PALM2AKAP2: variants seen among roughly 807,000 people sequenced by gnomAD.
PALM2AKAP2 encodes PALM2-AKAP2 fusion protein.
PALM2AKAP2 carries 37 observed loss-of-function variants against 71.5 expected under a neutral mutation model. The observed-to-expected ratio is 0.52, with a 90% CI of 0.40 to 0.68. PALM2AKAP2 has a LOEUF of 0.68. PALM2AKAP2 is among the 30% of genes least tolerant of loss of function. The pLI is 0.00. For missense variants in PALM2AKAP2, 1,224 were observed against 1,191.8 expected, an observed-to-expected ratio of 1.03 and a Z score of -0.40; for synonymous variants, 468 against 478.8, an observed-to-expected ratio of 0.98 and a Z score of 0.29.
chr9:110,136,663 G>A (rs766414145), exon 2 of PALM2AKAP2: 59 of 1,614,010 alleles, frequency 3.7e-5, no homozygotes, highest in African/African-American at 9.3e-5. Flanking sequence ...CTAGAGATGC[G>A]CTGGGGGACA....
chr9:109,747,109 A>G (rs1425652490), intron 1 of PALM2AKAP2, among the ~76,000 whole-genome samples: 3 of 152,246 alleles, frequency 2.0e-5, no homozygotes, highest in Non-Finnish European at 4.4e-5. Context: ...AAATATTGCT[A>G]ATAATAAAAG....
At position 109,715,154 on chromosome 9, in the gene PALM2AKAP2, T is replaced by C. The variant is rs1470645243; in HGVS notation, c.6-65334T>C. On this transcript the variant is annotated intron_variant, in intron 1 of 6. Coordinates refer to the PALM2AKAP2 transcript ENST00000374531. ...AATAGCTGTCTGCTGTCAAATACTT[T>C]CTCGGTTCCAGGTGCTCTCCTAGGA... Among the ~76,000 whole-genome samples, 10 of 152,336 alleles carry C rather than the reference T, an allele frequency of 6.6e-5. No homozygotes were observed. The East Asian group carries it at 1.9e-3, about 29-fold the overall frequency.
intron 1 of PALM2AKAP2, among the ~76,000 whole-genome samples, chr9:109,657,496 C>T (rs1827324471): frequency 8.0e-6 from 1 of 124,930 alleles, no homozygotes; most frequent in Non-Finnish European, 1.7e-5. Context: ...AATGGAGGGT[C>T]TTGGGAGCAG....
chr9:109,692,839 A>T (rs575028321), intron 1 of PALM2AKAP2, among the ~76,000 whole-genome samples: 14 of 152,064 alleles, frequency 9.2e-5, no homozygotes, highest in African/African-American at 2.4e-4. Context: ...TTTGATTTTT[A>T]AAAAAATTTA....
At chr9:109,719,170 TGTTA>T (rs1399462263) in intron 1 of PALM2AKAP2, among the ~76,000 whole-genome samples, 1 of 152,072 alleles carries the variant, frequency 6.6e-6, no homozygotes, top group Non-Finnish European at 1.5e-5. Context: ...AATAAAACTC[TGTTA>T]GTTAGCATGA....
At chr9:109,867,534 A>G (rs1157817735) in exon 2 of PALM2AKAP2, 4 of 1,612,892 alleles carry the variant, frequency 2.5e-6, no homozygotes. Context: ...AAGCGACAAC[A>G]GCTTGACGAG....
chr9:110,156,423 A>G (rs1470457344), exon 3 of PALM2AKAP2: 4 of 1,613,094 alleles, frequency 2.5e-6, no homozygotes, highest in Admixed American at 1.7e-5. Context: ...GCGGCCCAAG[A>G]ATCTGATGCA....
At chr9:109,755,425 C>T (rs28648887) in intron 1 of PALM2AKAP2, among the ~76,000 whole-genome samples, 46,293 of 151,918 alleles carry the variant, frequency 0.3, 7,209 homozygotes, top group Middle Eastern at 0.4. Flanking sequence ...TCATTGTTCC[C>T]TCTGCCTGAA....
intron 6 of PALM2AKAP2, chr9:109,946,430 G>C (rs776517781): frequency 6.6e-6 from 1 of 152,028 alleles, no homozygotes; most frequent in African/African-American, 2.4e-5. Context: ...GCTCACACCT[G>C]TAATCTCGGC....
intron 1 of PALM2AKAP2, among the ~76,000 whole-genome samples, chr9:110,064,523 CT>C (rs752373899): frequency 7.9e-5 from 12 of 152,200 alleles, no homozygotes; most frequent in South Asian, 2.1e-4. Flanking sequence ...GCGAAGATTG[CT>C]TGAAGCCAGG....
At chr9:110,134,771 C>A (rs1267486301) in intron 1 of PALM2AKAP2, among the ~76,000 whole-genome samples, 2 of 151,722 alleles carry the variant, frequency 1.3e-5, no homozygotes, top group African/African-American at 4.9e-5. Flanking sequence ...GAAAATTACA[C>A]TCTCTTGCAA....
At chr9:110,135,188 T>TATATATATATATATATATATATATAA (rs1484544851) in intron 1 of PALM2AKAP2, among the ~76,000 whole-genome samples, 3 of 93,538 alleles carry the variant, frequency 3.2e-5, no homozygotes, top group Admixed American at 1.2e-4. Flanking sequence ...TATATATATA[T>TATATATATATATATATATATATATAA]AAATCAGCCA....
intron 1 of PALM2AKAP2, among the ~76,000 whole-genome samples, chr9:109,696,344 A>G (rs1827970265): frequency 6.6e-6 from 1 of 152,236 alleles, no homozygotes; most frequent in Non-Finnish European, 1.5e-5. Context: ...ATATTGAAAA[A>G]TATTCAGAAC....
At chr9:110,153,179 T>C (rs1369994249) in intron 2 of PALM2AKAP2, among the ~76,000 whole-genome samples, 1 of 152,260 alleles carries the variant, frequency 6.6e-6, no homozygotes, top group Non-Finnish European at 1.5e-5. Context: ...TGATGTTAAA[T>C]GGCTGTCCAC....
At chr9:110,052,724 C>G (rs111938388) in intron 1 of PALM2AKAP2, among the ~76,000 whole-genome samples, 1 of 152,180 alleles carries the variant, frequency 6.6e-6, no homozygotes, top group Non-Finnish European at 1.5e-5. Flanking sequence ...TTAGCTATTC[C>G]GTCTTCTTGC....
chr9:110,068,782 C>T (rs955716748), intron 1 of PALM2AKAP2, among the ~76,000 whole-genome samples: 4 of 151,538 alleles, frequency 2.6e-5, no homozygotes, highest in African/African-American at 9.8e-5. Context: ...ATCCTCCTGC[C>T]TTGGCCTCCC....
chr9:110,044,344 C>CTTTTTTTTTTTTTTTTTTTTTTTTT (rs57314430), upstream of PALM2AKAP2, among the ~76,000 whole-genome samples: 28 of 80,158 alleles, frequency 3.5e-4, 1 homozygote, highest in African/African-American at 5.0e-4. Flanking sequence ...TTCTTTCTTT[C>CTTTTTTTTTTTTTTTTTTTTTTTTT]TTTTTTTTTT....
rs1554755271 is a variant in PALM2AKAP2, at chr9:110,135,162, A to AAAAAAAAAAATAT, written c.157-962_157-961insAAAAAAATATAAA. On this transcript the variant is annotated intron_variant, in intron 1 of 3. Coordinates refer to ENST00000374525, the Ensembl canonical transcript of PALM2AKAP2. ...GGAACTCTGTCTCTACAAAAAAAAA[A>AAAAAAAAAAATAT]AAATATATAAATATATATATATATA... is the stretch of plus-strand genomic sequence containing the variant. 1.5e-3 allele frequency among the ~76,000 whole-genome samples: 72 copies of AAAAAAAAAAATAT among 48,484 alleles called. 6 individuals carry two copies. Among genetic ancestry groups the AAAAAAAAAAATAT allele is most frequent in the African/African-American group, 6.0e-3 (72 of 11,986 alleles). 31.8% of individuals were successfully genotyped at this position (48,484 alleles called of 152,430 possible).
chr9:109,736,417 G>A (rs1041918735), intron 1 of PALM2AKAP2, among the ~76,000 whole-genome samples: 4 of 151,568 alleles, frequency 2.6e-5, no homozygotes, highest in Non-Finnish European at 3.0e-5. Flanking sequence ...CTTCCAAACC[G>A]AAAGTGAATT....
Sources: gnomAD v4.1 joint callset for allele counts (sites outside exome capture counted in the v4.1 genomes callset) on GRCh38, gnomAD v4.1.1 for gene constraint, MANE v1.5 for transcripts, NCBI Gene and HGNC (gene_info 2026-07-23, HGNC 2026-07-21) for gene names.